Variants in LAMA1 observed in about 807,000 individuals in gnomAD.
LAMA1 encodes the protein laminin subunit alpha-1.
Under a neutral mutation model 348.7 loss-of-function variants are expected in LAMA1, and 219 were observed. That is an observed-to-expected ratio of 0.63 (90% CI 0.56 to 0.70). The LOEUF (loss-of-function observed/expected upper bound fraction) is 0.70. Ranked by LOEUF, LAMA1 falls within the 30% of genes least tolerant of loss-of-function variation. LAMA1 has a pLI of 0.00. For synonymous variants in LAMA1, 1,487 were observed against 1,491.0 expected (o/e 1.00, Z 0.06); for missense variants, 3,744 against 3,888.0 (o/e 0.96, Z 0.99).
In LAMA1 at chr18:7,093,187, C is replaced by T. The variant is rs529270351; in HGVS notation, c.62-12730G>A. ...ATCCCAGCACTTTGGGAGGCCGAGG[C>T]GGGCGGATCACGAGGTCAGGATATC... is the stretch of plus-strand genomic sequence containing the variant. On this transcript the variant is annotated intron_variant, in intron 1 of 62. Transcript: ENST00000389658. 1.6e-4 allele frequency among the ~76,000 whole-genome samples: 25 copies of T among 152,226 alleles called. No individual in the cohort carries two copies. The South Asian group carries it at 2.9e-3, about 18-fold the overall frequency.
chr18:7,000,013 T>C lies in LAMA1; in HGVS notation c.4383-16A>G, dbSNP rs1467946577. 6.3e-7 allele frequency: 1 copy of C among 1,590,648 alleles called. No homozygotes were observed. The highest frequency in any genetic ancestry group is 8.6e-7 in the Non-Finnish European group (1 of 1,159,466). ...GGGACTAAAACTGGAGGAAAAGAATTTCTTTTTGAATTTTCAGATATACAA... is the reference window on the plus strand; with the variant it reads ...GGGACTAAAACTGGAGGAAAAGAATCTCTTTTTGAATTTTCAGATATACAA... On this transcript the variant is annotated splice_polypyrimidine_tract_variant and intron_variant, in intron 30 of 62. Transcript: ENST00000389658.
chr18:6,978,076 A>G (rs2144041250), intron 43 of LAMA1, 120 bp downstream of exon 43: 7 of 1,396,046 alleles, frequency 5.0e-6, no homozygotes, highest in Non-Finnish European at 7.1e-6. Context: ...AGGCTAATCC[A>G]GATGTTAGCA....
intron 5 of LAMA1, among the ~76,000 whole-genome samples, chr18:7,047,822 T>C (rs546830148): frequency 2.0e-5 from 3 of 151,554 alleles, no homozygotes; most frequent in South Asian, 4.2e-4. Context: ...CATATACATA[T>C]AGGAAAAAAA....
chr18:6,982,538 C>T lies in LAMA1; in HGVS notation c.5849G>A (p.Arg1950Lys). Residue 1950 changes from arginine (R) to lysine (K), a missense_variant, in exon 41 of 63, where the codon AGA becomes AAA. By Grantham distance (26) the Arg-to-Lys change is conservative (BLOSUM62 2). Around this residue, in one of 3 missense-constraint regions of LAMA1, gnomAD observed 1,983 missense variants for 1,934.3 expected, o/e 1.03. Transcript: ENST00000389658. ...NGKAAVQRSS[R>K]FLKEGNNLSR... ...GAGGTTGTTGCCTTCTTTTAGAAAT[C>T]TGGAGCTGCGCTGCACGGCCGCTTT... is the stretch of plus-strand genomic sequence containing the variant. 1.2e-6 allele frequency: 2 copies of T among 1,614,158 alleles called. No homozygotes were observed. The highest frequency in any genetic ancestry group is 8.5e-7 in the Non-Finnish European group (1 of 1,180,032).
intron 3 of LAMA1, among the ~76,000 whole-genome samples, chr18:7,068,119 C>T (rs1209934868): frequency 6.6e-6 from 1 of 152,184 alleles, no homozygotes; most frequent in Non-Finnish European, 1.5e-5. Flanking sequence ...TCCCAAAGTG[C>T]TGGGATTACA....
At chr18:7,010,627 A>C (rs182662457) in intron 25 of LAMA1, among the ~76,000 whole-genome samples, 307 of 152,336 alleles carry the variant, frequency 2.0e-3, no homozygotes, top group African/African-American at 7.2e-3. Context: ...TAACAAATCA[A>C]TGTGGTAGTG....
intron 47 of LAMA1, 111 bp downstream of exon 47, chr18:6,972,946 C>T (rs1235101133): frequency 1.6e-6 from 2 of 1,223,936 alleles, no homozygotes; most frequent in Non-Finnish European, 2.4e-6. Flanking sequence ...CCACCTTGGC[C>T]TCCCAAAGTT....
chr18:7,058,005 A>C (rs563529420), intron 3 of LAMA1, among the ~76,000 whole-genome samples: 4 of 150,848 alleles, frequency 2.7e-5, no homozygotes, highest in Non-Finnish European at 5.9e-5. Flanking sequence ...GGTTTCACCA[A>C]CTTGGCTAGG....
chr18:7,056,602 C>T (rs981883292), intron 3 of LAMA1, among the ~76,000 whole-genome samples: 2 of 152,172 alleles, frequency 1.3e-5, no homozygotes, highest in Non-Finnish European at 2.9e-5. Flanking sequence ...ACCCTGCGTG[C>T]TGCCTGCCCC....
intron 3 of LAMA1, among the ~76,000 whole-genome samples, chr18:7,074,625 T>C (rs986297535): frequency 9.2e-5 from 14 of 152,312 alleles, no homozygotes; most frequent in African/African-American, 3.4e-4. Context: ...ACAACATATA[T>C]GTTAATTTTG....
chr18:7,080,198 G>A, intron 2 of LAMA1, 89 bp downstream of exon 2: 1 of 1,592,740 alleles, frequency 6.3e-7, no homozygotes, highest in Non-Finnish European at 8.6e-7. Context: ...TGAACACAAT[G>A]TTTATGGCTT....
chr18:7,074,985 AAAAAAAAAAAAAAAAAAAAT>A, intron 3 of LAMA1, among the ~76,000 whole-genome samples: 1 of 138,376 alleles, frequency 7.2e-6, no homozygotes. Context: ...AAAAAAAAAA[AAAAAAAAAAAAAAAAAAAAT>A]GCTGTAATTC....
chr18:7,006,153 T>C (rs867595136), intron 29 of LAMA1, among the ~76,000 whole-genome samples: 2 of 152,206 alleles, frequency 1.3e-5, no homozygotes, highest in Non-Finnish European at 2.9e-5. Flanking sequence ...TATCACATTA[T>C]TTTGTTATCT....
intron 56 of LAMA1, 178 bp downstream of exon 56, chr18:6,956,458 T>C: frequency 3.1e-6 from 3 of 978,406 alleles, no homozygotes; most frequent in East Asian, 4.9e-5. Flanking sequence ...GTCATCTGAG[T>C]TGCTTGAGGC....
chr18:7,078,139 A>ATTTTTTTTG (rs1555664141), intron 3 of LAMA1, among the ~76,000 whole-genome samples: 7 of 140,848 alleles, frequency 5.0e-5, no homozygotes, highest in East Asian at 2.1e-4. Context: ...TTCTCTTTTT[A>ATTTTTTTTG]TTTTTTTTTG....
chr18:7,100,903 G>A (rs1485326296), intron 1 of LAMA1, among the ~76,000 whole-genome samples: 2 of 152,060 alleles, frequency 1.3e-5, no homozygotes, highest in African/African-American at 4.8e-5. Flanking sequence ...CCAGCTACTC[G>A]GGAGTCTGAG....
At chr18:6,985,430 A>G in intron 38 of LAMA1, 30 bp from the exon 39 acceptor site, 2 of 1,611,960 alleles carry the variant, frequency 1.2e-6, no homozygotes, top group Non-Finnish European at 1.7e-6. Context: ...TTGTAAATAT[A>G]TGCACATCTA....
Position 7,044,831 on chromosome 18 carries a change from C to A in LAMA1, c.867G>T (p.Gln289His), listed in dbSNP as rs760157818. The A allele has an allele frequency of 2.5e-6, 4 of 1,612,476 alleles. No individual in the cohort carries two copies. The highest frequency in any genetic ancestry group is 3.4e-6 in the Non-Finnish European group (4 of 1,178,480). The change falls in exon 7 of 63, where the codon CAG becomes CAT. Residue 289 changes from glutamine to histidine, a missense_variant. This residue lies in a region of LAMA1 where 1,529 missense variants were observed against 1,689.4 expected (regional missense o/e 0.91). Transcript: ENST00000389658. Reference protein sequence around the residue: ...CPWDETTKKLQCQCEHNTCGE... With the variant: ...CPWDETTKKLHCQCEHNTCGE... ...CGCAAGTATTATGCTCACATTGACA[C>A]TGCAGTTTCTACACAATAAGGAAGC... is the stretch of plus-strand genomic sequence containing the variant.
At chr18:7,088,966 C>T (rs2058228638) in intron 1 of LAMA1, among the ~76,000 whole-genome samples, 1 of 152,066 alleles carries the variant, frequency 6.6e-6, no homozygotes, top group Non-Finnish European at 1.5e-5. Context: ...GATTTCGCCA[C>T]CGCACTCCAG....
Sources: gnomAD v4.1 joint callset for allele counts (sites outside exome capture counted in the v4.1 genomes callset) on GRCh38, gnomAD v4.1.1 for gene constraint, gnomAD v4.1.1 regional missense constraint, MANE v1.5 for transcripts, NCBI Gene and HGNC (gene_info 2026-07-23, HGNC 2026-07-21) for gene names.